ZCCHC8: variants seen among roughly 807,000 people sequenced by gnomAD.
ZCCHC8 encodes the protein zinc finger CCHC domain-containing protein 8.
Under a neutral mutation model 70.6 loss-of-function variants are expected in ZCCHC8, and 27 were observed. That is an observed-to-expected ratio of 0.38 (90% CI 0.28 to 0.53). The LOEUF (loss-of-function observed/expected upper bound fraction) is 0.53, where lower values mean the gene tolerates loss of function less well. Among genes scored for constraint, ZCCHC8 ranks in the 20% least tolerant of loss-of-function variants. ZCCHC8 has a pLI of 0.81. For missense variants in ZCCHC8, 737 were observed against 876.9 expected, an observed-to-expected ratio of 0.84 and a Z score of 2.01; for synonymous variants, 293 against 317.4, an observed-to-expected ratio of 0.92 and a Z score of 0.82.
Position 122,500,293 on chromosome 12 carries a change from T to C in ZCCHC8, c.199+349A>G. Reference sequence around the variant, plus strand: ...ACAATTTGAGCGTGGCTGCGAAATATGAAACCTCACCACGACCTCAAACAG... The same window carrying C: ...ACAATTTGAGCGTGGCTGCGAAATACGAAACCTCACCACGACCTCAAACAG... On this transcript the variant is annotated intron_variant, in intron 1 of 13. Coordinates refer to ENST00000633063, the MANE Select transcript of ZCCHC8 (RefSeq NM_017612.5). This position sits in a 1 kb window ranked among gnomAD's most constrained non-coding sequence, Gnocchi z 4.8. The C allele has an allele frequency of 8.0e-6, 2 of 250,756 alleles. No individual in the cohort carries two copies. Among genetic ancestry groups the C allele is most frequent in the Non-Finnish European group, 1.5e-5 (2 of 130,562 alleles). 15.5% of individuals were successfully genotyped at this position (250,756 alleles called of 1,614,324 possible).
Position 122,478,312 on chromosome 12 carries a change from G to T in ZCCHC8, c.1141-20C>A. On this transcript the variant is annotated intron_variant, in intron 11 of 13. Transcript: ENST00000633063. ...CCATTCCTAATGATGAAAAGAGAAG[G>T]AAAAAAAAAACACATGTATTTGGAA... 7.3e-7 allele frequency: 1 copy of T among 1,373,006 alleles called. No homozygotes were observed. Among genetic ancestry groups the T allele is most frequent in the Non-Finnish European group, 9.8e-7 (1 of 1,021,652 alleles). The allele number at this position is 1,373,006 out of a possible 1,614,324, so 85.1% of individuals were successfully genotyped here. A position where few individuals can be genotyped will look rare whatever the true frequency, so the allele number is the denominator to read the frequency against.
At chr12:122,490,234 T>C (rs1957721589) in intron 4 of ZCCHC8, among the ~76,000 whole-genome samples, 1 of 152,184 alleles carries the variant, frequency 6.6e-6, no homozygotes, top group Non-Finnish European at 1.5e-5. Flanking sequence ...ATTAATTTTC[T>C]ACCCAAAACC....
chr12:122,472,928 A>G lies in ZCCHC8; in HGVS notation c.*569T>C, dbSNP rs1006127341. 3.3e-5 allele frequency: 5 copies of G among 152,510 alleles called. No homozygotes were observed. Among genetic ancestry groups the G allele is most frequent in the African/African-American group, 1.2e-4 (5 of 41,466 alleles). The allele number at this position is 152,510 out of a possible 1,614,324, so 9.4% of individuals were successfully genotyped here. A position where few individuals can be genotyped will look rare whatever the true frequency, so the allele number is the denominator to read the frequency against. On this transcript the variant is annotated 3_prime_UTR_variant, in exon 14 of 14. Transcript: ENST00000633063. ...GAAAACTAATTTATTAAACCTCTGT[A>G]CACAAAGATGAACATACCTGTATAG...
intron 2 of ZCCHC8, 135 bp from the exon 3 acceptor site, chr12:122,492,924 G>C: frequency 4.8e-6 from 3 of 620,804 alleles, no homozygotes; most frequent in Non-Finnish European, 5.6e-6. Flanking sequence ...GTGCTGGAGT[G>C]CTGTGGTGAG....
chr12:122,497,069 G>A (rs1261983482), intron 2 of ZCCHC8, among the ~76,000 whole-genome samples: 2 of 151,580 alleles, frequency 1.3e-5, no homozygotes, highest in Admixed American at 6.6e-5. Context: ...AAGCAGAATC[G>A]CTTGAACCCA....
At position 122,473,393 on chromosome 12, in the gene ZCCHC8, A is replaced by C. The variant is rs965109838; in HGVS notation, c.*104T>G. The C allele has an allele frequency of 1.0e-4, 133 of 1,269,788 alleles. 1 individual carries two copies. The highest frequency in any genetic ancestry group is 1.9e-5 in the Non-Finnish European group (18 of 932,968). 78.7% of individuals were successfully genotyped at this position (1,269,788 alleles called of 1,614,324 possible). ...GAACATGAACCTTGGATAGATTTTT[A>C]AACATGGGAGGGACAAACAGGAAAA... On this transcript the variant is annotated 3_prime_UTR_variant, in exon 14 of 14. Transcript: ENST00000633063.
chr12:122,481,431 C>A, intron 10 of ZCCHC8, 91 bp downstream of exon 10: 1 of 1,453,430 alleles, frequency 6.9e-7, no homozygotes, highest in Non-Finnish European at 9.2e-7. Context: ...ATTAAAGAAG[C>A]CGGCCATTCC....
At chr12:122,486,673 G>A (rs1432959269) in intron 5 of ZCCHC8, among the ~76,000 whole-genome samples, 4 of 151,740 alleles carry the variant, frequency 2.6e-5, no homozygotes, top group East Asian at 3.9e-4. Context: ...GGGTTCTAGC[G>A]ATTCTCCTGC....
At chr12:122,478,007 A>G (rs764108180) in intron 12 of ZCCHC8, 49 bp from the exon 13 acceptor site, 6 of 1,390,974 alleles carry the variant, frequency 4.3e-6, no homozygotes, top group Non-Finnish European at 6.1e-6. Context: ...TAGATAATGA[A>G]TTAAACTCCA....
intron 12 of ZCCHC8, 95 bp downstream of exon 12, chr12:122,478,111 T>A: frequency 1.5e-6 from 2 of 1,305,226 alleles, no homozygotes; most frequent in Non-Finnish European, 2.2e-6. Flanking sequence ...TTTGTCAAGA[T>A]AACAAAGCAA....
At chr12:122,499,097 T>C in intron 1 of ZCCHC8, 1 of 541,616 alleles carries the variant, frequency 1.8e-6, no homozygotes, top group Non-Finnish European at 3.3e-6. Context: ...TAAGACACGA[T>C]CCTGAAGTTC....
In ZCCHC8 at chr12:122,473,694, G is replaced by A; in HGVS notation, c.1927C>T (p.Leu643Phe). ...GAAGGACTGGTGTCTGCAGGAAAGA[G>A]CTTCTGGCTGCCCCCATTGCTGATG... The part of the protein sequence containing the change: ...CDISNGGSQK[L>F]FPADTSPSTA... Residue 643 changes from leucine to phenylalanine, a missense_variant, in exon 14 of 14, where the codon CTC (leucine) becomes TTC (phenylalanine). Physicochemically the swap from Leu to Phe is conservative, Grantham distance 22 (BLOSUM62 0). Transcript: ENST00000633063. 6.2e-7 allele frequency: 1 copy of A among 1,614,030 alleles called. No homozygotes were observed. The highest frequency in any genetic ancestry group is 8.5e-7 in the Non-Finnish European group (1 of 1,179,904).
chr12:122,476,846 A>T (rs541065851), intron 13 of ZCCHC8, among the ~76,000 whole-genome samples: 6 of 151,834 alleles, frequency 4.0e-5, no homozygotes, highest in Non-Finnish European at 8.8e-5. Context: ...AACACGGAGA[A>T]ACTCCATCTC....
rs750905722 is a variant in ZCCHC8 at position 122,478,312 on chromosome 12, G to GA, written c.1141-21dup. Reference sequence around the variant, plus strand: ...CCATTCCTAATGATGAAAAGAGAAGGAAAAAAAAAACACATGTATTTGGAA... The same window carrying GA: ...CCATTCCTAATGATGAAAAGAGAAGGAAAAAAAAAAACACATGTATTTGGAA... On this transcript the variant is annotated intron_variant, in intron 11 of 13. Transcript: ENST00000633063. 34,316 of 1,241,070 alleles carry GA rather than the reference G, an allele frequency of 0.028. No homozygotes were observed. The highest frequency in any genetic ancestry group is 0.032 in the South Asian group (1,889 of 59,576). The allele number at this position is 1,241,070 out of a possible 1,614,324, so 76.9% of individuals were successfully genotyped here.
intron 2 of ZCCHC8, among the ~76,000 whole-genome samples, chr12:122,498,431 T>C (rs1957863867): frequency 6.6e-6 from 1 of 152,066 alleles, no homozygotes; most frequent in Non-Finnish European, 1.5e-5. Context: ...CCCTGGCCCA[T>C]TATACTATAA....
Position 122,483,526 on chromosome 12 carries a change from A to C in ZCCHC8, c.539T>G (p.Leu180Arg). The C allele has an allele frequency of 6.3e-7, 1 of 1,592,062 alleles. No homozygotes were observed. Among genetic ancestry groups the C allele is most frequent in the Non-Finnish European group, 8.6e-7 (1 of 1,167,886 alleles). ...TAGAAGCGGTTGCCCCAATTTATCAAGGCAAAAATTAGTAAAATACAGGAC... is the reference window on the plus strand; with the variant it reads ...TAGAAGCGGTTGCCCCAATTTATCACGGCAAAAATTAGTAAAATACAGGAC... ...GSVLYFTNFC[L>R]DKLGQPLLNE... Residue 180 changes from leucine (L) to arginine (R), a missense_variant, in exon 6 of 14, where the codon CTT becomes CGT. Physicochemically the swap from Leu to Arg is moderately radical, Grantham distance 102 (BLOSUM62 -2). Coordinates refer to ENST00000633063, the MANE Select transcript of ZCCHC8 (RefSeq NM_017612.5). The surrounding 1 kb of genome is among the most constrained non-coding windows in gnomAD (Gnocchi z 4.4).
intron 9 of ZCCHC8, 37 bp downstream of exon 9, chr12:122,481,908 A>G: frequency 6.3e-7 from 1 of 1,598,656 alleles, no homozygotes; most frequent in South Asian, 1.1e-5. Flanking sequence ...TGCTAGGGAA[A>G]TAAAAATGAC....
chr12:122,478,088 G>T, intron 12 of ZCCHC8, 118 bp downstream of exon 12: 1 of 1,246,172 alleles, frequency 8.0e-7, no homozygotes, highest in Non-Finnish European at 1.2e-6. Context: ...TTTTGCCACT[G>T]TTTTCCTTTT....
In ZCCHC8 at chr12:122,483,599, G is replaced by A; in HGVS notation, c.502-36C>T. 1 of 1,449,238 alleles carries A rather than the reference G, an allele frequency of 6.9e-7. No individual in the cohort carries two copies. The allele number at this position is 1,449,238 out of a possible 1,614,324, so 89.8% of individuals were successfully genotyped here. A position where few individuals can be genotyped will look rare whatever the true frequency, so the allele number is the denominator to read the frequency against. On this transcript the variant is annotated intron_variant, in intron 5 of 13. Transcript: ENST00000633063. This position sits in a 1 kb window ranked among gnomAD's most constrained non-coding sequence, Gnocchi z 4.4. ...CAAGTCAAAAAATATTGCTATTTAA[G>A]CAGAAAAAAAGACATTAAATAATGT...
Sources: gnomAD v4.1 joint callset for allele counts (sites outside exome capture counted in the v4.1 genomes callset) on GRCh38, gnomAD v4.1.1 for gene constraint, Gnocchi (gnomAD v3.1) non-coding constraint, MANE v1.5 for transcripts, NCBI Gene and HGNC (gene_info 2026-07-23, HGNC 2026-07-21) for gene names.